Variants in LTBP4 observed in about 807,000 individuals in gnomAD.
LTBP4 encodes the protein latent transforming growth factor beta binding protein 4, also known as latent-transforming growth factor beta-binding protein 4.
Under a neutral mutation model 180.2 loss-of-function variants are expected in LTBP4, and 93 were observed. That is an observed-to-expected ratio of 0.52 (90% CI 0.44 to 0.61). LTBP4 has a LOEUF of 0.61. LTBP4 is among the 20% of genes least tolerant of loss of function. The pLI, the probability that LTBP4 is intolerant of heterozygous loss-of-function variation, is 0.00. For synonymous variants in LTBP4, 947 were observed against 934.5 expected, an observed-to-expected ratio of 1.01 and a Z score of -0.24; for missense variants, 2,116 against 2,256.5, an observed-to-expected ratio of 0.94 and a Z score of 1.26.
intron 1 of LTBP4, chr19:40,593,327 C>T (rs1032938823): frequency 2.5e-5 from 22 of 873,106 alleles, no homozygotes; most frequent in African/African-American, 5.0e-5. Flanking sequence ...ACTGCAGCCT[C>T]GGCCTTCTGG....
rs142730247 is a variant in LTBP4, at chr19:40,618,553, G to C, written c.3071-794G>C. On this transcript the variant is annotated intron_variant, in intron 21 of 29. Transcript: ENST00000396819. ...TGGGATTATAAGCATGAGCCACCAC[G>C]CCTGGCCTGTAGAGATGAGTTATTG... is the stretch of plus-strand genomic sequence containing the variant. Among the ~76,000 whole-genome samples, 756 of 152,058 alleles carry C rather than the reference G, an allele frequency of 5.0e-3. 6 individuals are homozygous for C. The highest frequency in any genetic ancestry group is 0.017 in the African/African-American group (723 of 41,480).
Position 40,605,220 on chromosome 19 carries a change from G to A in LTBP4, c.436G>A (p.Glu146Lys), listed in dbSNP as rs1474049414. 1.1e-5 allele frequency: 18 copies of A among 1,591,322 alleles called. No individual in the cohort carries two copies. The highest frequency in any genetic ancestry group is 1.5e-5 in the Non-Finnish European group (18 of 1,168,850). ...GCCACTGGCCAACCACCGCGACGAC[G>A]AGCACGGTGAGGAAAGGGTGGCCAG... ...TMPLANHRDD[E>K]HGVASMVSVH... The change falls in exon 2 of 30, where the codon GAG (glutamate) becomes AAG (lysine). Residue 146 changes from glutamate to lysine, a missense_variant. Physicochemically the swap from Glu to Lys is moderately conservative, Grantham distance 56 (BLOSUM62 1). Transcript: ENST00000396819. The surrounding 1 kb of genome is among the most constrained non-coding windows in gnomAD (Gnocchi z 5.5).
At position 40,615,198 on chromosome 19, in the gene LTBP4, G is replaced by GGC. The variant is rs1555737776; in HGVS notation, c.2812+753_2812+754insCG. The stretch of plus-strand genomic sequence containing the variant: ...TATATATTTTTTTGTGTCGGCGGGG[G>GGC]GGGGGGGGCGGTGATGGTGTGTGAG... On this transcript the variant is annotated intron_variant, in intron 19 of 29. Transcript: ENST00000396819. The GGC allele has an allele frequency of 6.3e-5, 8 of 126,120 alleles. 3 individuals are homozygous for GGC. The highest frequency in any genetic ancestry group is 1.2e-4 in the Non-Finnish European group (7 of 59,326). The allele number at this position is 126,120 out of a possible 1,614,324, so 7.8% of individuals were successfully genotyped here. A position where few individuals can be genotyped will look rare whatever the true frequency, so the allele number is the denominator to read the frequency against.
chr19:40,612,291 ACCTCAGTC>A, intron 15 of LTBP4, 99 bp downstream of exon 15: 1 of 1,439,994 alleles, frequency 6.9e-7, no homozygotes, highest in East Asian at 2.5e-5. Context: ...CCTGACCTGG[ACCTCAGTC>A]CCTCAGTCCC....
Position 40,624,124 on chromosome 19 carries a change from C to G in LTBP4, c.3832+42C>G, listed in dbSNP as rs577910460. 9 of 1,482,418 alleles carry G rather than the reference C, an allele frequency of 6.1e-6. No individual in the cohort carries two copies. In the Admixed American group the frequency reaches 6.5e-5, roughly 11 times the overall value. The allele number at this position is 1,482,418 out of a possible 1,614,324, so 91.8% of individuals were successfully genotyped here. A position where few individuals can be genotyped will look rare whatever the true frequency, so the allele number is the denominator to read the frequency against. ...CATCCAGGCCCTCCTTCCCTTGGCTCGGCCTCACACCCGCACCCGGGCCAC... is the reference window on the plus strand; with the variant it reads ...CATCCAGGCCCTCCTTCCCTTGGCTGGGCCTCACACCCGCACCCGGGCCAC... On this transcript the variant is annotated intron_variant, in intron 26 of 29. Transcript: ENST00000396819.
At position 40,614,354 on chromosome 19, in the gene LTBP4, G is replaced by A; in HGVS notation, c.2720G>A (p.Gly907Glu). 6.2e-7 allele frequency: 1 copy of A among 1,600,440 alleles called. No homozygotes were observed. Among genetic ancestry groups the A allele is most frequent in the Non-Finnish European group, 8.5e-7 (1 of 1,179,794 alleles). The stretch of plus-strand genomic sequence containing the variant: ...CGCGAGCGAGGCCCAGCCCTGTGCG[G>A]GTCGCAGCGCTGTGAGAACTCTCCC... ...ECRERGPALC[G>E]SQRCENSPGS... The change falls in exon 19 of 30, where the codon GGG becomes GAG. Residue 907 changes from glycine to glutamate, a missense_variant. Physicochemically the swap from Gly to Glu is moderately conservative, Grantham distance 98 (BLOSUM62 -2). Coordinates refer to ENST00000396819, the MANE Select transcript of LTBP4 (RefSeq NM_001042545.2).
chr19:40,597,030 G>A (rs1227743936), upstream of LTBP4, among the ~76,000 whole-genome samples: 7 of 152,120 alleles, frequency 4.6e-5, no homozygotes, highest in East Asian at 1.4e-3. Context: ...TCCGGCACCT[G>A]TCCCTGCTGC....
At position 40,625,901 on chromosome 19, in the gene LTBP4, G is replaced by C. The variant is rs376368630; in HGVS notation, c.3877G>C (p.Val1293Leu). The change falls in exon 27 of 30, where the codon GTG (valine) becomes CTG (leucine). Residue 1293 changes from valine to leucine, a missense_variant. Coordinates refer to ENST00000396819, the MANE Select transcript of LTBP4 (RefSeq NM_001042545.2). ...CTGGCAGGAAGTGGGGGCTGACCTCGTGTGCAGCCACCCTCGGCTGGACCG... is the reference window on the plus strand; with the variant it reads ...CTGGCAGGAAGTGGGGGCTGACCTCCTGTGCAGCCACCCTCGGCTGGACCG... Reference protein sequence around the residue: ...VCWQEVGADLVCSHPRLDRQA... With the variant: ...VCWQEVGADLLCSHPRLDRQA... The C allele has an allele frequency of 6.2e-7, 1 of 1,600,404 alleles. No individual in the cohort carries two copies. The highest frequency in any genetic ancestry group is 1.1e-5 in the South Asian group (1 of 88,162).
In LTBP4 at chr19:40,607,412, C is replaced by T. The variant is rs747903329; in HGVS notation, c.1039C>T (p.Arg347Cys). ...EAKGPCFRVLRDGGCSLPILR... is the reference protein window; with the variant it reads ...EAKGPCFRVLCDGGCSLPILR... ...CAAAGGGCCCTGCTTCCGCGTGCTC[C>T]GCGACGGCGGCTGTTCGCTGCCCAT... Residue 347 changes from arginine to cysteine, a missense_variant, in exon 7 of 30, where the codon CGC becomes TGC. Coordinates refer to ENST00000396819, the MANE Select transcript of LTBP4 (RefSeq NM_001042545.2). The T allele has an allele frequency of 6.2e-7, 1 of 1,613,174 alleles. No homozygotes were observed. Among genetic ancestry groups the T allele is most frequent in the Non-Finnish European group, 8.5e-7 (1 of 1,179,628 alleles).
At chr19:40,621,680 C>T (rs541928387) in intron 22 of LTBP4, among the ~76,000 whole-genome samples, 39 of 151,924 alleles carry the variant, frequency 2.6e-4, no homozygotes, top group Non-Finnish European at 5.0e-4. Flanking sequence ...GGGAGAAAAA[C>T]CCAAGAGGCC....
At position 40,611,062 on chromosome 19, in the gene LTBP4, G is replaced by T; in HGVS notation, c.1811-90G>T. ...AGGAGGAATAGAGATGGGGTCACGGGGACAGAATGTTGGAGGGTGGAAAGC... is the reference window on the plus strand; with the variant it reads ...AGGAGGAATAGAGATGGGGTCACGGTGACAGAATGTTGGAGGGTGGAAAGC... On this transcript the variant is annotated intron_variant, in intron 12 of 29. Transcript: ENST00000396819. The surrounding 1 kb of genome is among the most constrained non-coding windows in gnomAD (Gnocchi z 4.4). The T allele has an allele frequency of 6.5e-7, 1 of 1,547,940 alleles. No homozygotes were observed.
chr19:40,629,759 G>A lies in LTBP4; in HGVS notation c.*209G>A. The A allele has an allele frequency of 2.5e-6, 1 of 404,384 alleles. No homozygotes were observed. The highest frequency in any genetic ancestry group is 4.1e-6 in the Non-Finnish European group (1 of 242,204). The allele number at this position is 404,384 out of a possible 1,614,324, so 25.0% of individuals were successfully genotyped here. On this transcript the variant is annotated 3_prime_UTR_variant, in exon 30 of 30. Transcript: ENST00000396819. The surrounding 1 kb of genome is among the most constrained non-coding windows in gnomAD (Gnocchi z 4.5). Reference sequence around the variant, plus strand: ...TCGTGGTCCCGGGCCTGGCCCAGGGGCCCCTTTACATGCCCTCTCCCTTTT... The same window carrying A: ...TCGTGGTCCCGGGCCTGGCCCAGGGACCCCTTTACATGCCCTCTCCCTTTT...
At position 40,629,354 on chromosome 19, in the gene LTBP4, G is replaced by A; in HGVS notation, c.4520-42G>A. 1 of 1,610,596 alleles carries A rather than the reference G, an allele frequency of 6.2e-7. No individual in the cohort carries two copies. Among genetic ancestry groups the A allele is most frequent in the South Asian group, 1.1e-5 (1 of 91,068 alleles). Reference sequence around the variant, plus strand: ...AAGGGGCCAAGGAGGCGAGCTTCTGGGGCCCCAGCCTTCAGCAGCGATCGT... The same window carrying A: ...AAGGGGCCAAGGAGGCGAGCTTCTGAGGCCCCAGCCTTCAGCAGCGATCGT... On this transcript the variant is annotated intron_variant, in intron 29 of 29. Coordinates refer to ENST00000396819, the MANE Select transcript of LTBP4 (RefSeq NM_001042545.2). The surrounding 1 kb of genome is among the most constrained non-coding windows in gnomAD (Gnocchi z 4.5).
chr19:40,599,797 C>T (rs2146013141), upstream of LTBP4: 2 of 577,306 alleles, frequency 3.5e-6, no homozygotes, highest in Non-Finnish European at 6.1e-6. Context: ...GTCTCTTTTC[C>T]TCTCTCTCTT....
intron 6 of LTBP4, 98 bp from the exon 7 acceptor site, chr19:40,607,267 C>CCCCCCCA: frequency 2.0e-5 from 12 of 593,162 alleles, no homozygotes; most frequent in Admixed American, 6.4e-5. Context: ...ACCAACCCCC[C>CCCCCCCA]ACCCCCAACC....
chr19:40,629,556 G>A lies in LTBP4; in HGVS notation c.*6G>A. The A allele has an allele frequency of 1.4e-6, 2 of 1,405,054 alleles. No individual in the cohort carries two copies. The highest frequency in any genetic ancestry group is 1.8e-6 in the Non-Finnish European group (2 of 1,082,574). The allele number at this position is 1,405,054 out of a possible 1,614,324, so 87.0% of individuals were successfully genotyped here. On this transcript the variant is annotated 3_prime_UTR_variant, in exon 30 of 30. Transcript: ENST00000396819. This position sits in a 1 kb window ranked among gnomAD's most constrained non-coding sequence, Gnocchi z 4.5. ...CCGCACGGCCCCGGGCCTGAGCCCT[G>A]GCACCCGCTGGCCGCCCACCCGCGC...
chr19:40,622,373 A>C lies in LTBP4; in HGVS notation c.3218-28A>C, dbSNP rs1322356776. ...TGGCGGGGCTGGGGATTCAGCCCAC[A>C]CTGGGCTAAAGCTCCTTGTCTCCCC... is the stretch of plus-strand genomic sequence containing the variant. On this transcript the variant is annotated intron_variant, in intron 22 of 29. Transcript: ENST00000396819. The surrounding 1 kb of genome is among the most constrained non-coding windows in gnomAD (Gnocchi z 5.1). 2 of 1,472,890 alleles carry C rather than the reference A, an allele frequency of 1.4e-6. No homozygotes were observed. The allele number at this position is 1,472,890 out of a possible 1,614,324, so 91.2% of individuals were successfully genotyped here. A position where few individuals can be genotyped will look rare whatever the true frequency, so the allele number is the denominator to read the frequency against.
chr19:40,600,436 G>A (rs763230261), upstream of LTBP4, among the ~76,000 whole-genome samples: 7 of 152,230 alleles, frequency 4.6e-5, no homozygotes, highest in Non-Finnish European at 7.3e-5. The surrounding 1 kb of genome is among the most constrained non-coding windows in gnomAD (Gnocchi z 4.4). Context: ...CGCGGCCGAA[G>A]AGGGAGGGCG....
chr19:40,608,608 G>C lies in LTBP4; in HGVS notation c.1426+5G>C, dbSNP rs1382049743. On this transcript the variant is annotated splice_donor_5th_base_variant and intron_variant, in intron 9 of 29. Transcript: ENST00000396819. ...GTCCTGAGATTCCTGAATCAGGTTT[G>C]CTAGAAAGAACTGAGGGCATTGGGC... is the stretch of plus-strand genomic sequence containing the variant. 3 of 1,580,784 alleles carry C rather than the reference G, an allele frequency of 1.9e-6. No homozygotes were observed. The African/African-American group carries it at 4.0e-5, about 21-fold the overall frequency.
Sources: allele counts gnomAD v4.1 joint callset (sites outside exome capture counted in the v4.1 genomes callset), GRCh38; gene constraint gnomAD v4.1.1; non-coding constraint Gnocchi (gnomAD v3.1); transcripts MANE v1.5; gene names NCBI Gene and HGNC (gene_info 2026-07-23, HGNC 2026-07-21).